HS6ST1: variants seen among roughly 807,000 people sequenced by gnomAD.
The protein encoded by HS6ST1 is heparan-sulfate 6-O-sulfotransferase 1.
In HS6ST1, 3 loss-of-function variants were observed where a neutral mutation model predicts 25.2. The ratio of observed to expected loss-of-function variants is 0.12; its 90% CI spans 0.05 to 0.31. HS6ST1 has a LOEUF of 0.31. HS6ST1 is among the 10% of genes least tolerant of loss of function. The pLI is 1.00. For missense variants in HS6ST1, 310 were observed against 609.6 expected, an observed-to-expected ratio of 0.51 and a Z score of 5.18; for synonymous variants, 204 against 275.1, an observed-to-expected ratio of 0.74 and a Z score of 2.56.
At chr2:128,310,052 G>A (rs1694265163) in intron 1 of HS6ST1, among the ~76,000 whole-genome samples, 1 of 152,108 alleles carries the variant, frequency 6.6e-6, no homozygotes, top group Admixed American at 6.5e-5. Flanking sequence ...TATCTATCTG[G>A]GCCCATGAGA....
chr2:128,296,041 A>T (rs1239152555), intron 1 of HS6ST1, among the ~76,000 whole-genome samples: 1 of 152,184 alleles, frequency 6.6e-6, no homozygotes, highest in Non-Finnish European at 1.5e-5. Flanking sequence ...AAGACATGAG[A>T]GATGATTTCT....
intron 1 of HS6ST1, among the ~76,000 whole-genome samples, chr2:128,281,120 A>G (rs1187631659): frequency 6.6e-6 from 1 of 152,240 alleles, no homozygotes; most frequent in Non-Finnish European, 1.5e-5. Context: ...GGAAGGGAGC[A>G]GCAGGGCTGA....
chr2:128,285,573 CA>C (rs1265731576), intron 1 of HS6ST1, among the ~76,000 whole-genome samples: 1 of 145,752 alleles, frequency 6.9e-6, no homozygotes, highest in African/African-American at 2.6e-5. Flanking sequence ...GTTCTAGGAC[CA>C]GGGGAAGCCT....
At chr2:128,270,642 G>C (rs1693596342) in intron 1 of HS6ST1, among the ~76,000 whole-genome samples, 1 of 152,232 alleles carries the variant, frequency 6.6e-6, no homozygotes, top group Non-Finnish European at 1.5e-5. Flanking sequence ...CTGCTCAGAA[G>C]AGGCTATCCA....
chr2:128,309,843 G>A (rs999508), intron 1 of HS6ST1, among the ~76,000 whole-genome samples: 23,630 of 152,220 alleles, frequency 0.16, 2,337 homozygotes, highest in Non-Finnish European at 0.22. Flanking sequence ...CTCCAGATGA[G>A]GAACTGGGCC....
At chr2:128,280,987 C>T (rs1158430663) in intron 1 of HS6ST1, among the ~76,000 whole-genome samples, 1 of 152,268 alleles carries the variant, frequency 6.6e-6, no homozygotes, top group South Asian at 2.1e-4. Flanking sequence ...ACAGCCTGGG[C>T]GTGTCCCAGC....
chr2:128,286,118 T>A (rs1389767415), intron 1 of HS6ST1, among the ~76,000 whole-genome samples: 1 of 152,200 alleles, frequency 6.6e-6, no homozygotes, highest in African/African-American at 2.4e-5. Flanking sequence ...ACTTAGAGCC[T>A]ACAGCACCCT....
intron 1 of HS6ST1, among the ~76,000 whole-genome samples, chr2:128,275,834 G>A (rs950043496): frequency 2.0e-5 from 3 of 152,228 alleles, no homozygotes; most frequent in African/African-American, 7.2e-5. Context: ...TCCTCTCCCA[G>A]ATGCACGTCG....
intron 1 of HS6ST1, among the ~76,000 whole-genome samples, chr2:128,286,409 T>A (rs1693861687): frequency 6.6e-6 from 1 of 151,802 alleles, no homozygotes; most frequent in Non-Finnish European, 1.5e-5. Context: ...AGACTGCAGG[T>A]CAGGAGCTTG....
At chr2:128,270,696 G>A (rs547573261) in intron 1 of HS6ST1, among the ~76,000 whole-genome samples, 5 of 152,310 alleles carry the variant, frequency 3.3e-5, no homozygotes, top group Admixed American at 6.5e-5. Context: ...GCATAGGGCC[G>A]CATGGACCTC....
chr2:128,293,139 G>C (rs1243973236), intron 1 of HS6ST1, among the ~76,000 whole-genome samples: 1 of 152,178 alleles, frequency 6.6e-6, no homozygotes, highest in Non-Finnish European at 1.5e-5. Context: ...TCTGCATGCA[G>C]TGGGGCCCAA....
At chr2:128,305,530 G>C (rs1484262963) in intron 1 of HS6ST1, among the ~76,000 whole-genome samples, 3 of 152,242 alleles carry the variant, frequency 2.0e-5, no homozygotes, top group Non-Finnish European at 1.5e-5. Flanking sequence ...GTCTGCAGTG[G>C]GCGGGAAGGA....
intron 1 of HS6ST1, among the ~76,000 whole-genome samples, chr2:128,310,799 C>A (rs1324110596): frequency 1.3e-5 from 2 of 152,122 alleles, no homozygotes; most frequent in Non-Finnish European, 2.9e-5. Context: ...TGGGACAATG[C>A]CCTATCAGGA....
intron 1 of HS6ST1, among the ~76,000 whole-genome samples, chr2:128,295,246 C>T (rs571026564): frequency 1.3e-5 from 2 of 152,362 alleles, no homozygotes; most frequent in African/African-American, 4.8e-5. Flanking sequence ...TCTCTCCTCA[C>T]TCCAGGGCAA....
chr2:128,278,577 G>A (rs1017629930), intron 1 of HS6ST1, among the ~76,000 whole-genome samples: 13 of 152,300 alleles, frequency 8.5e-5, no homozygotes, highest in East Asian at 3.9e-4. Context: ...GGAGGCCGAC[G>A]GCAGGCACAC....
intron 1 of HS6ST1, among the ~76,000 whole-genome samples, chr2:128,276,672 GA>G (rs1287426439): frequency 6.6e-6 from 1 of 152,154 alleles, no homozygotes; most frequent in Non-Finnish European, 1.5e-5. Context: ...AAGAAAGGAA[GA>G]AAGACAAATT....
intron 1 of HS6ST1, among the ~76,000 whole-genome samples, chr2:128,316,396 T>C (rs1432222344): frequency 6.6e-6 from 1 of 152,162 alleles, no homozygotes; most frequent in Non-Finnish European, 1.5e-5. Context: ...CCCCCACAGG[T>C]AGGGAGGCGT....
At chr2:128,288,591 G>A (rs893363061) in intron 1 of HS6ST1, among the ~76,000 whole-genome samples, 3 of 152,186 alleles carry the variant, frequency 2.0e-5, no homozygotes, top group Non-Finnish European at 4.4e-5. Context: ...TGCAACCCGC[G>A]CCAGGTGCCC....
chr2:128,316,132 C>G (rs1023647248), intron 1 of HS6ST1, among the ~76,000 whole-genome samples: 1 of 152,202 alleles, frequency 6.6e-6, no homozygotes, highest in Non-Finnish European at 1.5e-5. Flanking sequence ...GGGGCCCCAT[C>G]GGCCCCACCT....
Sources: allele counts gnomAD v4.1 joint callset (sites outside exome capture counted in the v4.1 genomes callset), GRCh38; gene constraint gnomAD v4.1.1; transcripts MANE v1.5; gene names NCBI Gene and HGNC (gene_info 2026-07-23, HGNC 2026-07-21).